Variants in TSC22D1 observed in about 807,000 individuals in gnomAD.
TSC22D1 encodes the protein TSC22 domain family protein 1.
In TSC22D1, 9 loss-of-function variants were observed where a neutral mutation model predicts 74.2. The ratio of observed to expected loss-of-function variants is 0.12; its 90% CI spans 0.07 to 0.21. The LOEUF (loss-of-function observed/expected upper bound fraction) is 0.21, where lower values mean the gene tolerates loss of function less well. TSC22D1 is among the 10% of genes least tolerant of loss of function. TSC22D1 has a pLI of 1.00. For synonymous variants in TSC22D1, 586 were observed against 492.5 expected (o/e 1.19, Z -2.51); for missense variants, 1,427 against 1,304.7 (o/e 1.09, Z -1.44).
intron 1 of TSC22D1, among the ~76,000 whole-genome samples, chr13:44,487,405 A>C (rs1196181113): frequency 6.9e-6 from 1 of 145,978 alleles, no homozygotes; most frequent in Non-Finnish European, 1.5e-5. Flanking sequence ...AGGCTAAGGC[A>C]GGAGAATCAC....
chr13:44,523,170 A>G (rs1221210048), intron 1 of TSC22D1, among the ~76,000 whole-genome samples: 1 of 152,234 alleles, frequency 6.6e-6, no homozygotes, highest in Non-Finnish European at 1.5e-5. Flanking sequence ...AAGAATGCAG[A>G]GCAAATGAAT....
intron 2 of TSC22D1, 195 bp downstream of exon 2, chr13:44,435,849 G>A (rs995818549): frequency 2.9e-5 from 18 of 631,454 alleles, no homozygotes; most frequent in Non-Finnish European, 4.8e-5. Flanking sequence ...TTTAATACCC[G>A]CAGGGCCCCT....
intron 2 of TSC22D1, 30 bp from the exon 3 acceptor site, chr13:44,434,913 A>G: frequency 1.3e-6 from 2 of 1,565,266 alleles, no homozygotes; most frequent in Non-Finnish European, 1.7e-6. Flanking sequence ...GGTTTAACTC[A>G]TTATTTGGTA....
At chr13:44,512,170 C>CT (rs953941272) in intron 1 of TSC22D1, among the ~76,000 whole-genome samples, 1 of 151,558 alleles carries the variant, frequency 6.6e-6, no homozygotes, top group African/African-American at 2.4e-5. Flanking sequence ...TGTTTGTTTT[C>CT]TTTTTTTGTT....
At chr13:44,470,916 A>G (rs1877565068) in intron 1 of TSC22D1, among the ~76,000 whole-genome samples, 1 of 152,226 alleles carries the variant, frequency 6.6e-6, no homozygotes, top group South Asian at 2.1e-4. Flanking sequence ...TGACCACTCC[A>G]TCTTAATCAC....
intron 1 of TSC22D1, among the ~76,000 whole-genome samples, chr13:44,457,637 C>CAAAAAA (rs10692086): frequency 4.9e-4 from 42 of 85,406 alleles, no homozygotes; most frequent in Non-Finnish European, 6.2e-4. Flanking sequence ...AAGCAAATAG[C>CAAAAAA]AAAAAAAAAA....
intron 1 of TSC22D1, chr13:44,436,877 T>C (rs1288403657): frequency 1.7e-6 from 2 of 1,192,560 alleles, no homozygotes; most frequent in African/African-American, 1.6e-5. Flanking sequence ...CCAGTCTTAG[T>C]GCAAAATATA....
intron 1 of TSC22D1, among the ~76,000 whole-genome samples, chr13:44,535,757 A>G (rs1881100098): frequency 6.6e-6 from 1 of 152,000 alleles, no homozygotes; most frequent in South Asian, 2.1e-4. Flanking sequence ...TCAAAAATAC[A>G]ATGGTAAGCC....
At chr13:44,450,873 T>C (rs562717746) in intron 1 of TSC22D1, among the ~76,000 whole-genome samples, 1 of 152,236 alleles carries the variant, frequency 6.6e-6, no homozygotes, top group East Asian at 1.9e-4. Context: ...GAAATCCATA[T>C]AGGCAAGAGA....
At chr13:44,536,609 T>C (rs936621731) in intron 1 of TSC22D1, 3 of 452,906 alleles carry the variant, frequency 6.6e-6, no homozygotes, top group African/African-American at 4.3e-5. Flanking sequence ...AATCAGCCAT[T>C]ATTTTCAAAT....
intron 1 of TSC22D1, among the ~76,000 whole-genome samples, chr13:44,523,919 G>C (rs944235229): frequency 6.6e-6 from 1 of 152,046 alleles, no homozygotes; most frequent in African/African-American, 2.4e-5. Flanking sequence ...TAGAAGGAAA[G>C]ATAAAATACA....
chr13:44,538,868 GT>G, intron 1 of TSC22D1: 3 of 985,344 alleles, frequency 3.0e-6, no homozygotes, highest in Non-Finnish European at 2.4e-6. Flanking sequence ...GAAGTATGAT[GT>G]TTTACCAGTT....
At chr13:44,485,432 T>C (rs1453332430) in intron 1 of TSC22D1, among the ~76,000 whole-genome samples, 2 of 152,162 alleles carry the variant, frequency 1.3e-5, no homozygotes, top group African/African-American at 2.4e-5. Context: ...TACAAGGTTA[T>C]TAAAAGTGTT....
rs1883961699 is a variant in TSC22D1, at chr13:44,573,798, A to G, written c.2277T>C (p.Pro759=). Reference sequence around the variant, plus strand: ...CAGGTGGAACCACTTGCGAAGATGGAGGAGCACCCTGCTGAATAACTGAAG... The same window carrying G: ...CAGGTGGAACCACTTGCGAAGATGGGGGAGCACCCTGCTGAATAACTGAAG... ...VPPSVIQQGA[P]PSSQVVPPAQ... The change falls in exon 1 of 3, where the codon CCT becomes CCC. Residue 759 remains proline, a synonymous_variant. Transcript: ENST00000458659. 1.2e-5 allele frequency: 19 copies of G among 1,614,254 alleles called. No homozygotes were observed. Among genetic ancestry groups the G allele is most frequent in the Non-Finnish European group, 1.5e-5 (18 of 1,180,050 alleles).
At chr13:44,447,193 A>G (rs1020538373) in intron 1 of TSC22D1, among the ~76,000 whole-genome samples, 2 of 151,112 alleles carry the variant, frequency 1.3e-5, no homozygotes, top group East Asian at 3.9e-4. Flanking sequence ...CATGTTGCCC[A>G]GGCTGATCTC....
intron 1 of TSC22D1, among the ~76,000 whole-genome samples, chr13:44,560,508 G>A (rs1245361851): frequency 5.3e-5 from 8 of 151,956 alleles, no homozygotes; most frequent in Non-Finnish European, 5.9e-5. Context: ...AATATTCTTC[G>A]TAATTTCTGT....
At position 44,433,608 on chromosome 13, in the gene TSC22D1, A is replaced by G. The variant is rs1595070785; in HGVS notation, c.*1018T>C. ...CCTTACAATTGTGTAGAGAACATGC[A>G]CAGAAACATATGCATATAACTACTA... On this transcript the variant is annotated 3_prime_UTR_variant, in exon 3 of 3. Transcript: ENST00000458659. 5.3e-6 allele frequency: 1 copy of G among 188,394 alleles called. No homozygotes were observed. The highest frequency in any genetic ancestry group is 1.4e-4 in the South Asian group (1 of 7,272). The allele number at this position is 188,394 out of a possible 1,614,324, so 11.7% of individuals were successfully genotyped here.
chr13:44,575,991 G>A lies in TSC22D1; in HGVS notation c.84C>T (p.Phe28=). 1 of 1,596,872 alleles carries A rather than the reference G, an allele frequency of 6.3e-7. No homozygotes were observed. The change falls in exon 1 of 3, where the codon TTC becomes TTT. Residue 28 remains phenylalanine (F), a synonymous_variant. Coordinates refer to ENST00000458659, the MANE Select transcript of TSC22D1 (RefSeq NM_183422.4). ...TGCCACTACCGCTGCCCCTTCGAGG[G>A]AACATTGCCGGGTGCGCCATCTTCC... ...SARKMAHPAM[F]PRRGSGSGSA...
At chr13:44,443,442 G>A (rs1875369031) in intron 1 of TSC22D1, among the ~76,000 whole-genome samples, 1 of 152,096 alleles carries the variant, frequency 6.6e-6, no homozygotes, top group Non-Finnish European at 1.5e-5. Flanking sequence ...TCAGACAGAA[G>A]GAAAATGATA....
Sources: gnomAD v4.1 joint callset for allele counts (sites outside exome capture counted in the v4.1 genomes callset) on GRCh38, gnomAD v4.1.1 for gene constraint, MANE v1.5 for transcripts, NCBI Gene and HGNC (gene_info 2026-07-23, HGNC 2026-07-21) for gene names.